The following FMN1 variants were observed in gnomAD, a reference collection of about 807,000 sequenced individuals.
FMN1 encodes the protein formin-1.
FMN1 carries 110 observed loss-of-function variants against 132.4 expected under a neutral mutation model. The observed-to-expected ratio is 0.83, with a 90% confidence interval of 0.71 to 0.97. The LOEUF is 0.97. FMN1 is among the 50% of genes least tolerant of loss of function. The probability of loss-of-function intolerance (pLI) is 0.00; values close to 1 mark genes in which losing one functional copy is unlikely to be tolerated. For missense variants in FMN1, 1,792 were observed against 1,705.3 expected (o/e 1.05, Z -0.90); for synonymous variants, 722 against 651.7 (o/e 1.11, Z -1.64).
At chr15:32,826,058 C>A (rs7167969) in intron 17 of FMN1, among the ~76,000 whole-genome samples, 4,634 of 152,280 alleles carry the variant, frequency 0.03, 252 homozygotes, top group African/African-American at 0.11. Context: ...TAACAAAACT[C>A]GAATGATGGA....
At chr15:32,994,484 G>A (rs1168054231) in intron 7 of FMN1, among the ~76,000 whole-genome samples, 1 of 152,080 alleles carries the variant, frequency 6.6e-6, no homozygotes, top group Non-Finnish European at 1.5e-5. Flanking sequence ...ATCCTTGTCT[G>A]GACCCATGGA....
intron 19 of FMN1, among the ~76,000 whole-genome samples, chr15:32,798,038 CAGG>C (rs1225277201): frequency 6.6e-6 from 1 of 152,136 alleles, no homozygotes; most frequent in Non-Finnish European, 1.5e-5. Flanking sequence ...ATCTGTTCCA[CAGG>C]AGTAGTAGTA....
chr15:32,853,472 T>C lies in FMN1; in HGVS notation c.3928+3543A>G, dbSNP rs182830321. On this transcript the variant is annotated intron_variant, in intron 17 of 20. Coordinates refer to ENST00000616417, the MANE Select transcript of FMN1 (RefSeq NM_001277313.2). ...ATAAATAGCGTATTAGATGAAATAC[T>C]ATAAACTGTATGACAATTGTCATAG... 2.2e-3 allele frequency among the ~76,000 whole-genome samples: 334 copies of C among 152,366 alleles called. 1 individual carries two copies. Among genetic ancestry groups the C allele is most frequent in the African/African-American group, 7.8e-3 (323 of 41,590 alleles).
At chr15:33,026,075 A>G (rs557087116) in intron 6 of FMN1, among the ~76,000 whole-genome samples, 16 of 150,034 alleles carry the variant, frequency 1.1e-4, no homozygotes, top group Non-Finnish European at 1.9e-4. Flanking sequence ...TAAAAAACCC[A>G]TGCTATATAT....
At chr15:32,861,466 C>G (rs1439379056) in intron 16 of FMN1, among the ~76,000 whole-genome samples, 1 of 152,190 alleles carries the variant, frequency 6.6e-6, no homozygotes, top group African/African-American at 2.4e-5. Flanking sequence ...CACTAGGACT[C>G]AGGTGGGCTG....
At chr15:33,127,953 G>A (rs1013748068) in intron 4 of FMN1, among the ~76,000 whole-genome samples, 6 of 152,094 alleles carry the variant, frequency 3.9e-5, no homozygotes, top group Non-Finnish European at 8.8e-5. Context: ...CAGGACAGGA[G>A]AAAGGAAAGA....
chr15:32,783,813 G>T, intron 19 of FMN1, among the ~76,000 whole-genome samples: 2 of 127,410 alleles, frequency 1.6e-5, no homozygotes, highest in South Asian at 2.7e-4. Flanking sequence ...TTTCCATTTA[G>T]AGATTTAGGC....
intron 20 of FMN1, among the ~76,000 whole-genome samples, chr15:32,775,264 G>A (rs1313828397): frequency 6.6e-6 from 1 of 152,070 alleles, no homozygotes; most frequent in African/African-American, 2.4e-5. Context: ...CCTAACTTGC[G>A]AAATTGAATC....
At chr15:32,997,117 AT>A (rs2033817169) in intron 7 of FMN1, among the ~76,000 whole-genome samples, 1 of 152,176 alleles carries the variant, frequency 6.6e-6, no homozygotes, top group Non-Finnish European at 1.5e-5. Flanking sequence ...AAACATCAAG[AT>A]TATGGTGACA....
intron 6 of FMN1, among the ~76,000 whole-genome samples, chr15:33,017,852 G>A (rs2035152597): frequency 6.6e-6 from 1 of 152,132 alleles, no homozygotes; most frequent in Non-Finnish European, 1.5e-5. Flanking sequence ...ATTTCCTGAG[G>A]TCAGGAGTTC....
At chr15:32,994,103 T>C (rs1376281014) in intron 7 of FMN1, among the ~76,000 whole-genome samples, 1 of 152,026 alleles carries the variant, frequency 6.6e-6, no homozygotes, top group Non-Finnish European at 1.5e-5. Context: ...CATCGATCAG[T>C]GAGATAGCAT....
chr15:33,098,728 C>T (rs2039179771), intron 4 of FMN1, among the ~76,000 whole-genome samples: 1 of 152,132 alleles, frequency 6.6e-6, no homozygotes, highest in South Asian at 2.1e-4. Context: ...CACTGCATAC[C>T]TGCTGAATCA....
chr15:32,849,282 C>T (rs1205480047), intron 17 of FMN1, among the ~76,000 whole-genome samples: 2 of 151,886 alleles, frequency 1.3e-5, no homozygotes, highest in African/African-American at 2.4e-5. Flanking sequence ...TGAGCCACCG[C>T]GCCCGGCCAG....
intron 9 of FMN1, among the ~76,000 whole-genome samples, chr15:32,950,513 A>G (rs1211186653): frequency 6.6e-6 from 1 of 152,206 alleles, no homozygotes; most frequent in Admixed American, 6.5e-5. Flanking sequence ...GCAGCCATAA[A>G]ATAAAATGAG....
intron 10 of FMN1, among the ~76,000 whole-genome samples, chr15:32,925,614 T>G (rs2060941022): frequency 6.6e-6 from 1 of 152,250 alleles, no homozygotes; most frequent in Non-Finnish European, 1.5e-5. Context: ...GGAATTTGTC[T>G]GGATCCTCAT....
intron 4 of FMN1, among the ~76,000 whole-genome samples, chr15:33,116,257 A>C (rs764362350): frequency 6.6e-6 from 1 of 151,036 alleles, no homozygotes; most frequent in Admixed American, 6.6e-5. Context: ...ACTTTCCTTT[A>C]TACCTGTTTA....
At chr15:33,029,129 T>C (rs1440909463) in intron 6 of FMN1, among the ~76,000 whole-genome samples, 1 of 152,144 alleles carries the variant, frequency 6.6e-6, no homozygotes, top group Non-Finnish European at 1.5e-5. Context: ...AGAGGTCACT[T>C]AGACTAACCC....
At chr15:32,994,230 TCTCACA>T (rs869095970) in intron 7 of FMN1, among the ~76,000 whole-genome samples, 52 of 28,208 alleles carry the variant, frequency 1.8e-3, no homozygotes, top group African/African-American at 3.3e-3. Context: ...TCTCTCTCTC[TCTCACA>T]CACACACACA....
At position 33,008,020 on chromosome 15, in the gene FMN1, G is replaced by A. The variant is rs1440711269; in HGVS notation, c.2217C>T (p.Asn739=). ...TAGCATCAAAGAGGCATACCTGCAG[G>A]TTTTCAATTTCTTCTTTGTGCTCCC... ...LKREHKEEIE[N]LQAQFELRAF... The change falls in exon 7 of 21, where the codon AAC becomes AAT. Residue 739 remains asparagine (N), a synonymous_variant. Transcript: ENST00000616417. The A allele has an allele frequency of 2.5e-6, 4 of 1,600,380 alleles. No homozygotes were observed. Among genetic ancestry groups the A allele is most frequent in the South Asian group, 2.3e-5 (2 of 88,172 alleles).
Sources: allele counts gnomAD v4.1 joint callset (sites outside exome capture counted in the v4.1 genomes callset), GRCh38; gene constraint gnomAD v4.1.1; transcripts MANE v1.5; gene names NCBI Gene and HGNC (gene_info 2026-07-23, HGNC 2026-07-21).